PAK3: variants seen among roughly 807,000 people sequenced by gnomAD.
The protein encoded by PAK3 is serine/threonine-protein kinase PAK 3.
PAK3 carries 4 observed loss-of-function variants against 41.0 expected under a neutral mutation model. That is an observed-to-expected ratio of 0.10 (90% CI 0.05 to 0.22). PAK3 has a LOEUF of 0.22. PAK3 is among the 10% of genes least tolerant of loss of function. The pLI is 1.00. For synonymous variants in PAK3, 146 were observed against 139.6 expected, an observed-to-expected ratio of 1.05 and a Z score of -0.32; for missense variants, 205 against 409.9, an observed-to-expected ratio of 0.50 and a Z score of 4.32.
chrX:111,142,059 T>C (rs1334960752), intron 5 of PAK3, 37 bp from the exon 6 acceptor site: 4 of 819,076 alleles, frequency 4.9e-6, no homozygotes, highest in Middle Eastern at 2.8e-4. Flanking sequence ...GCCAAAACTA[T>C]ACCCCAAATA....
intron 1 of PAK3, among the ~76,000 whole-genome samples, chrX:110,979,091 G>A (rs1333367003): frequency 9.1e-6 from 1 of 110,487 alleles, no homozygotes; most frequent in Admixed American, 9.8e-5. Context: ...CATCTACATT[G>A]TCAAATTAAT....
chrX:110,955,236 T>C (rs1307823180), intron 1 of PAK3, among the ~76,000 whole-genome samples: 1 of 112,161 alleles, frequency 8.9e-6, no homozygotes, highest in Non-Finnish European at 1.9e-5. Context: ...CTTTTTGAAG[T>C]AGCCGAACTT....
chrX:111,122,530 A>C (rs979851365), intron 4 of PAK3, among the ~76,000 whole-genome samples: 4 of 110,719 alleles, frequency 3.6e-5, no homozygotes, highest in African/African-American at 1.3e-4. Context: ...GATCTATGGG[A>C]TGGTTTCTCG....
At chrX:110,984,182 T>A (rs1228516127) in intron 1 of PAK3, among the ~76,000 whole-genome samples, 1 of 111,835 alleles carries the variant, frequency 8.9e-6, no homozygotes, top group African/African-American at 3.3e-5. Context: ...CACAGACACA[T>A]ACATACTTAC....
Position 111,214,069 on chromosome X carries a change from G to A in PAK3, c.1408-2352G>A, listed in dbSNP as rs1047798069. Among the ~76,000 whole-genome samples the A allele has an allele frequency of 8.1e-5, 9 of 111,650 alleles. No homozygotes were observed. The East Asian group carries it at 8.4e-4, about 10-fold the overall frequency. On this transcript the variant is annotated intron_variant, in intron 16 of 17. Coordinates refer to ENST00000372007, the MANE Select transcript of PAK3 (RefSeq NM_002578.5). ...TGGGGGAAAGGAAGATGTTCATTTCGTAGGGGTGAGGGATGTATTTACATG... is the reference window on the plus strand; with the variant it reads ...TGGGGGAAAGGAAGATGTTCATTTCATAGGGGTGAGGGATGTATTTACATG...
chrX:111,131,573 G>A (rs1346848477), intron 5 of PAK3, among the ~76,000 whole-genome samples: 1 of 109,911 alleles, frequency 9.1e-6, no homozygotes, highest in African/African-American at 3.3e-5. Flanking sequence ...AAATAAATTT[G>A]TAGGCCCACA....
chrX:111,027,068 CTATG>C (rs2092280415), intron 1 of PAK3, among the ~76,000 whole-genome samples: 1 of 111,554 alleles, frequency 9.0e-6, no homozygotes, highest in Non-Finnish European at 1.9e-5. Flanking sequence ...AAAGGACACT[CTATG>C]TACAAAAAAT....
intron 6 of PAK3, among the ~76,000 whole-genome samples, chrX:111,146,910 G>T (rs1006677244): frequency 9.0e-6 from 1 of 111,515 alleles, no homozygotes; most frequent in Non-Finnish European, 1.9e-5. Context: ...TCTAATTTTT[G>T]CAATTCTCCT....
chrX:111,171,983 T>C (rs2094347444), intron 10 of PAK3, among the ~76,000 whole-genome samples: 1 of 111,716 alleles, frequency 9.0e-6, no homozygotes, highest in African/African-American at 3.3e-5. Flanking sequence ...GATCAAACTT[T>C]GTTCTTCATT....
chrX:111,137,518 A>G (rs1412414136), intron 5 of PAK3, among the ~76,000 whole-genome samples: 2 of 111,361 alleles, frequency 1.8e-5, no homozygotes, highest in African/African-American at 6.5e-5. Context: ...ACCTAAGGCA[A>G]GAGGTGAAGG....
At chrX:111,114,159 G>T (rs780133468) in intron 4 of PAK3, among the ~76,000 whole-genome samples, 56 of 111,954 alleles carry the variant, frequency 5.0e-4, no homozygotes, top group Non-Finnish European at 8.1e-4. Flanking sequence ...GGATGGCTGG[G>T]TCAAATGGTA....
chrX:111,195,725 A>G, intron 14 of PAK3, 117 bp from the exon 15 acceptor site: 1 of 503,746 alleles, frequency 2.0e-6, no homozygotes, highest in Non-Finnish European at 3.5e-6. Context: ...AGCATTCAGT[A>G]ATCGATTTCA....
chrX:111,145,067 A>G (rs1428603852), intron 6 of PAK3: 2 of 354,562 alleles, frequency 5.6e-6, no homozygotes, highest in South Asian at 7.2e-5. Flanking sequence ...AGACATTGAT[A>G]TGTGCTCCTG....
At chrX:111,216,319 G>T (rs991810432) in intron 16 of PAK3, 102 bp from the exon 17 acceptor site, 2 of 565,661 alleles carry the variant, frequency 3.5e-6, no homozygotes, top group African/African-American at 4.6e-5. Context: ...GAATTATTAA[G>T]ACCCAGAATG....
At chrX:111,108,056 G>T (rs975308263) in intron 4 of PAK3, among the ~76,000 whole-genome samples, 1 of 111,990 alleles carries the variant, frequency 8.9e-6, no homozygotes, top group Admixed American at 9.4e-5. Context: ...AGATCAAGTT[G>T]CCATGAAACA....
At chrX:111,088,189 A>C (rs917882109) in intron 1 of PAK3, among the ~76,000 whole-genome samples, 4 of 111,215 alleles carry the variant, frequency 3.6e-5, no homozygotes, top group Non-Finnish European at 7.5e-5. Context: ...CACTACCCTA[A>C]TGCTTTCCCA....
At chrX:111,210,067 C>A (rs1051132859) in intron 16 of PAK3, among the ~76,000 whole-genome samples, 3 of 111,558 alleles carry the variant, frequency 2.7e-5, no homozygotes, top group African/African-American at 9.8e-5. Context: ...ATGAAGAATT[C>A]GAGAACATCA....
chrX:111,093,409 C>T (rs1356957673), upstream of PAK3, among the ~76,000 whole-genome samples: 1 of 111,645 alleles, frequency 9.0e-6, no homozygotes, highest in East Asian at 2.8e-4. Context: ...TTGTAATACC[C>T]TTAAATCAAA....
chrX:111,103,937 C>A (rs1272254140), intron 4 of PAK3, among the ~76,000 whole-genome samples: 1 of 111,721 alleles, frequency 9.0e-6, no homozygotes, highest in African/African-American at 3.3e-5. Flanking sequence ...TTAAATAAGT[C>A]TTGCATGGTT....
Sources: gnomAD v4.1 joint callset for allele counts (sites outside exome capture counted in the v4.1 genomes callset) on GRCh38, gnomAD v4.1.1 for gene constraint, MANE v1.5 for transcripts, NCBI Gene and HGNC (gene_info 2026-07-23, HGNC 2026-07-21) for gene names.